The following SNTG1 variants were observed in gnomAD, a reference collection of about 807,000 sequenced individuals.
The protein encoded by SNTG1 is syntrophin gamma 1, also known as gamma-1-syntrophin.
SNTG1 carries 39 observed loss-of-function variants against 74.7 expected under a neutral mutation model. The ratio of observed to expected loss-of-function variants is 0.52; its 90% CI spans 0.40 to 0.68. SNTG1 has a LOEUF of 0.68. Among genes scored for constraint, SNTG1 ranks in the 30% least tolerant of loss-of-function variants. The probability of loss-of-function intolerance (pLI) is 0.00; values close to 1 mark genes in which losing one functional copy is unlikely to be tolerated. For synonymous variants in SNTG1, 254 were observed against 217.1 expected (o/e 1.17, Z -1.49); for missense variants, 685 against 609.5 (o/e 1.12, Z -1.30).
chr8:50,059,082 T>C (rs1425820867), intron 1 of SNTG1, among the ~76,000 whole-genome samples: 2 of 152,172 alleles, frequency 1.3e-5, no homozygotes, highest in South Asian at 2.1e-4. Flanking sequence ...CAACAGTTCA[T>C]TCATTTTTTA....
At chr8:50,216,070 A>T (rs1028818229) in intron 2 of SNTG1, among the ~76,000 whole-genome samples, 1 of 152,152 alleles carries the variant, frequency 6.6e-6, no homozygotes, top group Non-Finnish European at 1.5e-5. Context: ...AAAATGTCTG[A>T]TTCTTTGGTA....
chr8:50,070,756 T>G (rs1158730710), intron 1 of SNTG1, among the ~76,000 whole-genome samples: 6 of 152,238 alleles, frequency 3.9e-5, no homozygotes, highest in African/African-American at 1.4e-4. Context: ...GCCATCATTT[T>G]ATTTTATCCA....
At chr8:49,933,627 CT>C (rs1453473329) in intron 1 of SNTG1, among the ~76,000 whole-genome samples, 1 of 152,144 alleles carries the variant, frequency 6.6e-6, no homozygotes, top group Non-Finnish European at 1.5e-5. Context: ...ATTGGATGAT[CT>C]TAGCACATTA....
intron 2 of SNTG1, among the ~76,000 whole-genome samples, chr8:50,353,577 A>G (rs775589900): frequency 1.7e-4 from 26 of 152,152 alleles, no homozygotes; most frequent in Admixed American, 5.9e-4. Flanking sequence ...CTTTTATGAG[A>G]TATGACAAGT....
In SNTG1 at chr8:50,123,890, A is replaced by G. The variant is rs987147205; in HGVS notation, c.-102-48671A>G. Among the ~76,000 whole-genome samples, 10 of 142,680 alleles carry G rather than the reference A, an allele frequency of 7.0e-5. 3 individuals carry two copies. The highest frequency in any genetic ancestry group is 5.2e-4 in the South Asian group (2 of 3,838). 93.6% of individuals were successfully genotyped at this position (142,680 alleles called of 152,430 possible). On this transcript the variant is annotated intron_variant, in intron 1 of 18. Transcript: ENST00000642720. ...AGTAGCAGGGCTTGGAGTCAAACGT[A>G]GACATCCCATTTCCCAAGGTGACTT...
At chr8:50,139,272 C>A (rs1227615294) in intron 1 of SNTG1, among the ~76,000 whole-genome samples, 1 of 152,292 alleles carries the variant, frequency 6.6e-6, no homozygotes, top group East Asian at 1.9e-4. Context: ...TGAATGTACA[C>A]ATCACAATTT....
At chr8:50,376,117 T>C (rs1192352819) in intron 2 of SNTG1, among the ~76,000 whole-genome samples, 1 of 152,162 alleles carries the variant, frequency 6.6e-6, no homozygotes, top group Non-Finnish European at 1.5e-5. Context: ...ATCCTACTTT[T>C]AGGCAAATAG....
In SNTG1 at chr8:50,167,284, A is replaced by T. The variant is rs540213919; in HGVS notation, c.-102-5277A>T. ...ACTTAAAGTATAATAATAATAATAA[A>T]AAAAGAAAAAAAAAAGATTAAAAAT... On this transcript the variant is annotated intron_variant, in intron 1 of 18. Coordinates refer to ENST00000642720, the MANE Select transcript of SNTG1 (RefSeq NM_018967.5). Among the ~76,000 whole-genome samples, 452 of 149,564 alleles carry T rather than the reference A, an allele frequency of 3.0e-3. 2 individuals are homozygous for T. Among genetic ancestry groups the T allele is most frequent in the African/African-American group, 9.9e-3 (405 of 40,966 alleles).
intron 2 of SNTG1, among the ~76,000 whole-genome samples, chr8:50,346,714 A>T (rs1403776151): frequency 6.6e-6 from 1 of 152,268 alleles, no homozygotes; most frequent in Non-Finnish European, 1.5e-5. Context: ...ACACACAAGA[A>T]TCTTAAGAAA....
intron 9 of SNTG1, among the ~76,000 whole-genome samples, chr8:50,524,851 G>C (rs892127910): frequency 6.6e-6 from 1 of 151,994 alleles, no homozygotes; most frequent in Non-Finnish European, 1.5e-5. Context: ...ATCTCCCATG[G>C]AGGAATGACT....
intron 2 of SNTG1, among the ~76,000 whole-genome samples, chr8:50,354,338 G>A (rs1316890529): frequency 6.6e-6 from 1 of 152,002 alleles, no homozygotes; most frequent in African/African-American, 2.4e-5. Context: ...TTAAATTAGA[G>A]TCTATCAAAA....
At chr8:49,923,647 T>C (rs971997954) in intron 1 of SNTG1, among the ~76,000 whole-genome samples, 1 of 152,030 alleles carries the variant, frequency 6.6e-6, no homozygotes, top group Non-Finnish European at 1.5e-5. Context: ...TCAGACTATA[T>C]TATAACTGCT....
chr8:50,374,396 ATATCATTCCTGTTACT>A, intron 2 of SNTG1, among the ~76,000 whole-genome samples: 2 of 152,354 alleles, frequency 1.3e-5, no homozygotes, highest in Middle Eastern at 6.8e-3. Flanking sequence ...AATTTAGTCA[ATATCATTCCTGTTACT>A]ATTTTGTGAG....
chr8:50,596,611 C>A (rs1189708729), intron 13 of SNTG1, among the ~76,000 whole-genome samples: 1 of 151,960 alleles, frequency 6.6e-6, no homozygotes, highest in Non-Finnish European at 1.5e-5. Flanking sequence ...GGGCCTATTT[C>A]TGGACTCCAA....
intron 1 of SNTG1, among the ~76,000 whole-genome samples, chr8:50,007,598 T>C (rs190091796): frequency 2.0e-4 from 30 of 152,266 alleles, no homozygotes; most frequent in Non-Finnish European, 1.5e-5. Context: ...TGTAGTTGTA[T>C]GCGTTGGTTT....
chr8:50,154,030 T>G (rs2082167268), intron 1 of SNTG1, among the ~76,000 whole-genome samples: 1 of 152,190 alleles, frequency 6.6e-6, no homozygotes, highest in South Asian at 2.1e-4. Context: ...GCAGGCCTCC[T>G]TGAGCTGAGG....
At chr8:50,720,927 G>A (rs1289144351) in intron 17 of SNTG1, among the ~76,000 whole-genome samples, 3 of 152,114 alleles carry the variant, frequency 2.0e-5, no homozygotes, top group Non-Finnish European at 4.4e-5. Flanking sequence ...TTAACATAGG[G>A]TTTAGTTTAC....
chr8:50,162,598 A>G (rs145780145), intron 1 of SNTG1, among the ~76,000 whole-genome samples: 3 of 150,734 alleles, frequency 2.0e-5, no homozygotes, highest in Non-Finnish European at 4.4e-5. Context: ...GAAAGAAAAC[A>G]CCAGTCCCTA....
intron 1 of SNTG1, among the ~76,000 whole-genome samples, chr8:49,980,521 C>CAAAAAAAAAAAAAAAAAA (rs565561398): frequency 1.5e-4 from 8 of 53,828 alleles, no homozygotes; most frequent in African/African-American, 5.9e-4. Context: ...GACTCCTTCG[C>CAAAAAAAAAAAAAAAAAA]AAAAAAAAAA....
Sources: gnomAD v4.1 joint callset for allele counts (sites outside exome capture counted in the v4.1 genomes callset) on GRCh38, gnomAD v4.1.1 for gene constraint, MANE v1.5 for transcripts, NCBI Gene and HGNC (gene_info 2026-07-23, HGNC 2026-07-21) for gene names.